Variants in MDGA2 observed in about 807,000 individuals in gnomAD.
MDGA2 encodes MAM domain containing glycosylphosphatidylinositol anchor 2, also known as MAM domain-containing glycosylphosphatidylinositol anchor protein 2.
In MDGA2, 40 loss-of-function variants were observed where a neutral mutation model predicts 117.8. That is an observed-to-expected ratio of 0.34 (90% CI 0.26 to 0.44). MDGA2 has a LOEUF of 0.44. MDGA2 is among the 20% of genes least tolerant of loss of function. The pLI, the probability that MDGA2 is intolerant of heterozygous loss-of-function variation, is 1.00. For synonymous variants in MDGA2, 452 were observed against 439.0 expected (o/e 1.03, Z -0.37); for missense variants, 1,123 against 1,250.6 (o/e 0.90, Z 1.54).
chr14:47,149,927 C>A (rs1883096084), intron 3 of MDGA2, among the ~76,000 whole-genome samples: 2 of 152,200 alleles, frequency 1.3e-5, no homozygotes, highest in African/African-American at 4.8e-5. Flanking sequence ...TAACTCCTGG[C>A]TGAGGTCTAT....
chr14:47,351,090 T>TTTTTTTTTTC (rs1890869256), intron 1 of MDGA2, among the ~76,000 whole-genome samples: 2 of 150,658 alleles, frequency 1.3e-5, no homozygotes. Context: ...TTTTTTTTTT[T>TTTTTTTTTTC]TTTTTGAAAC....
At chr14:47,308,199 T>C (rs1889519012) in intron 1 of MDGA2, among the ~76,000 whole-genome samples, 1 of 152,084 alleles carries the variant, frequency 6.6e-6, no homozygotes, top group African/African-American at 2.4e-5. Flanking sequence ...AGGAAAAAGA[T>C]CTCAGTAGGT....
At chr14:47,495,123 T>C (rs959476394) in intron 1 of MDGA2, among the ~76,000 whole-genome samples, 3 of 152,020 alleles carry the variant, frequency 2.0e-5, no homozygotes, top group African/African-American at 7.2e-5. Context: ...TGCAGCAACA[T>C]GGGTGGAACT....
At chr14:47,348,865 G>C (rs1436894106) in intron 1 of MDGA2, among the ~76,000 whole-genome samples, 1 of 152,168 alleles carries the variant, frequency 6.6e-6, no homozygotes, top group East Asian at 1.9e-4. Context: ...TGCAAGTGGA[G>C]AAAAGTTGAA....
At chr14:47,274,453 G>A (rs1388874061) in intron 2 of MDGA2, among the ~76,000 whole-genome samples, 1 of 151,880 alleles carries the variant, frequency 6.6e-6, no homozygotes, top group Non-Finnish European at 1.5e-5. Flanking sequence ...GCATAGATAG[G>A]CCACATTTTA....
intron 1 of MDGA2, among the ~76,000 whole-genome samples, chr14:47,413,739 C>A (rs1892420461): frequency 4.0e-5 from 6 of 150,462 alleles, no homozygotes; most frequent in South Asian, 4.2e-4. Context: ...TTTGTTTAAT[C>A]CCTCATTGGG....
chr14:46,864,671 T>C (rs1307749060), intron 14 of MDGA2, among the ~76,000 whole-genome samples: 1 of 149,034 alleles, frequency 6.7e-6, no homozygotes, highest in Non-Finnish European at 1.5e-5. Flanking sequence ...TTTTCACATT[T>C]ACAGCATTGG....
At position 46,957,660 on chromosome 14, in the gene MDGA2, T is replaced by C. The variant is rs1441809678; in HGVS notation, c.1820-17A>G. ...CAGGGGGATCTGTAGAAAAGATATG[T>C]AAAAACAGATGAAAGATGTGACTTG... On this transcript the variant is annotated splice_polypyrimidine_tract_variant and intron_variant, in intron 8 of 16. Coordinates refer to ENST00000399232, the MANE Select transcript of MDGA2 (RefSeq NM_001113498.3). The C allele has an allele frequency of 6.2e-7, 1 of 1,612,272 alleles. No homozygotes were observed. The highest frequency in any genetic ancestry group is 1.3e-5 in the African/African-American group (1 of 74,782).
chr14:47,506,621 T>C (rs1299391484), intron 1 of MDGA2, among the ~76,000 whole-genome samples: 4 of 152,248 alleles, frequency 2.6e-5, no homozygotes, highest in South Asian at 2.1e-4. Flanking sequence ...CTGTCCAGTA[T>C]GGTAGCCACT....
rs761463111 is a variant in MDGA2 at position 47,459,541 on chromosome 14, CTTTCTTCCTTCCTTCCTTCT to C, written c.281-158011_281-157992del. 3.4e-3 allele frequency among the ~76,000 whole-genome samples: 504 copies of C among 150,152 alleles called. 3 individuals carry two copies. The highest frequency in any genetic ancestry group is 5.4e-3 in the Non-Finnish European group (368 of 67,556). The stretch of plus-strand genomic sequence containing the variant: ...CTCTCTTCCTCCCTCCCTTCTCTTT[CTTTCTTCCTTCCTTCCTTCT>C]TTCCTTCCTTCCTTCTTTCCTGTTT... On this transcript the variant is annotated intron_variant, in intron 1 of 16. Transcript: ENST00000399232.
chr14:46,987,311 G>A (rs1219480826), intron 8 of MDGA2, among the ~76,000 whole-genome samples: 1 of 152,080 alleles, frequency 6.6e-6, no homozygotes. Flanking sequence ...GGTTAATGCT[G>A]AAGCACTGTC....
intron 8 of MDGA2, among the ~76,000 whole-genome samples, chr14:47,006,881 A>T (rs1887730615): frequency 6.6e-6 from 1 of 151,784 alleles, no homozygotes; most frequent in South Asian, 2.1e-4. Context: ...AGTATGCATT[A>T]TTCTCGGAGA....
intron 1 of MDGA2, among the ~76,000 whole-genome samples, chr14:47,643,424 A>G (rs1317137669): frequency 6.6e-6 from 1 of 152,060 alleles, no homozygotes; most frequent in Non-Finnish European, 1.5e-5. Context: ...TCTCTACACC[A>G]TCAGATTTGC....
intron 2 of MDGA2, among the ~76,000 whole-genome samples, chr14:47,222,290 A>C (rs1463102017): frequency 6.6e-6 from 1 of 151,964 alleles, no homozygotes; most frequent in Non-Finnish European, 1.5e-5. Flanking sequence ...AGGAGTGATA[A>C]TATTTATATA....
intron 8 of MDGA2, among the ~76,000 whole-genome samples, chr14:46,990,517 G>A (rs1261105382): frequency 1.3e-5 from 2 of 151,836 alleles, no homozygotes; most frequent in Non-Finnish European, 2.9e-5. Flanking sequence ...CAGGAAACAG[G>A]TAAAGAAACA....
chr14:47,636,747 T>G (rs1431792264), intron 1 of MDGA2, among the ~76,000 whole-genome samples: 1 of 120,980 alleles, frequency 8.3e-6, no homozygotes, highest in Non-Finnish European at 1.6e-5. Context: ...ATCGTGCCAC[T>G]GCACTCCAGC....
chr14:47,524,665 C>G (rs1894935535), intron 1 of MDGA2, among the ~76,000 whole-genome samples: 1 of 152,176 alleles, frequency 6.6e-6, no homozygotes, highest in Non-Finnish European at 1.5e-5. Context: ...GTCCTGTCTT[C>G]TCTCGTACTA....
At chr14:47,655,805 C>T (rs900205040) in intron 1 of MDGA2, among the ~76,000 whole-genome samples, 1 of 152,112 alleles carries the variant, frequency 6.6e-6, no homozygotes, top group East Asian at 1.9e-4. Flanking sequence ...AGGATGCTGG[C>T]TTGGACTGTG....
intron 2 of MDGA2, among the ~76,000 whole-genome samples, chr14:47,219,090 T>C (rs754263287): frequency 7.2e-5 from 11 of 152,104 alleles, no homozygotes; most frequent in Non-Finnish European, 1.5e-4. Flanking sequence ...TGCCCTGCTA[T>C]ATATTTTAGT....
Sources: allele counts gnomAD v4.1 joint callset (sites outside exome capture counted in the v4.1 genomes callset), GRCh38; gene constraint gnomAD v4.1.1; transcripts MANE v1.5; gene names NCBI Gene and HGNC (gene_info 2026-07-23, HGNC 2026-07-21).